The following ZRANB3 variants were observed in gnomAD, a reference collection of about 807,000 sequenced individuals.
ZRANB3 encodes the protein DNA annealing helicase and endonuclease ZRANB3.
In ZRANB3, 125 loss-of-function variants were observed where a neutral mutation model predicts 133.8. The ratio of observed to expected loss-of-function variants is 0.93; its 90% CI spans 0.81 to 1.08. The LOEUF (loss-of-function observed/expected upper bound fraction) is 1.08, where lower values mean the gene tolerates loss of function less well. Among genes scored for constraint, ZRANB3 ranks in the 50% least tolerant of loss-of-function variants. ZRANB3 has a pLI of 0.00. For synonymous variants in ZRANB3, 387 were observed against 432.7 expected, an observed-to-expected ratio of 0.89 and a Z score of 1.31; for missense variants, 1,229 against 1,275.5, an observed-to-expected ratio of 0.96 and a Z score of 0.56.
intron 2 of ZRANB3, among the ~76,000 whole-genome samples, chr2:135,493,626 C>A (rs1692518949): frequency 6.6e-6 from 1 of 152,100 alleles, no homozygotes; most frequent in South Asian, 2.1e-4. Flanking sequence ...CTCGAATAGT[C>A]ATTCATTTTG....
intron 1 of ZRANB3, among the ~76,000 whole-genome samples, chr2:135,520,360 A>T (rs1436887404): frequency 1.3e-5 from 2 of 151,460 alleles, no homozygotes; most frequent in South Asian, 4.2e-4. Flanking sequence ...ATGCCACTGC[A>T]CTCCAGCCTG....
chr2:135,252,102 C>T (rs966724249), intron 12 of ZRANB3, among the ~76,000 whole-genome samples: 1 of 152,100 alleles, frequency 6.6e-6, no homozygotes, highest in African/African-American at 2.4e-5. Flanking sequence ...ATGTCTTTAT[C>T]AGCAGCATAA....
chr2:135,511,637 GGTT>G, intron 1 of ZRANB3: 1 of 779,872 alleles, frequency 1.3e-6, no homozygotes, highest in Non-Finnish European at 2.4e-6. Flanking sequence ...CTCAAAGCCT[GGTT>G]GTTGTTAGAC....
chr2:135,328,707 C>T (rs545755550), intron 6 of ZRANB3, among the ~76,000 whole-genome samples: 160 of 152,320 alleles, frequency 1.1e-3, no homozygotes, highest in African/African-American at 3.7e-3. Flanking sequence ...TATTTCTCCA[C>T]GTCTTCTCCA....
intron 2 of ZRANB3, among the ~76,000 whole-genome samples, chr2:135,405,914 G>C (rs926476112): frequency 2.6e-5 from 4 of 152,300 alleles, no homozygotes; most frequent in African/African-American, 9.6e-5. Flanking sequence ...AAAAGAAGTA[G>C]AGAAGCAAGA....
chr2:135,449,586 C>T (rs1690176382), intron 2 of ZRANB3, among the ~76,000 whole-genome samples: 1 of 152,122 alleles, frequency 6.6e-6, no homozygotes, highest in East Asian at 1.9e-4. Flanking sequence ...CTCCACTACA[C>T]TCCAGCTTGG....
intron 3 of ZRANB3, among the ~76,000 whole-genome samples, chr2:135,389,253 A>C (rs1042110876): frequency 6.6e-6 from 1 of 152,224 alleles, no homozygotes; most frequent in Non-Finnish European, 1.5e-5. Context: ...TATAACATCT[A>C]GTCTAAATAA....
intron 12 of ZRANB3, among the ~76,000 whole-genome samples, chr2:135,236,580 CCAAAACAGAGA>C (rs1433629782): frequency 6.6e-6 from 1 of 152,124 alleles, no homozygotes; most frequent in Non-Finnish European, 1.5e-5. Flanking sequence ...GGTACTGGTA[CCAAAACAGAGA>C]TATAGACCAA....
Position 135,275,522 on chromosome 2 carries a change from T to C in ZRANB3, c.1086+114A>G, listed in dbSNP as rs1332501989. ...TTCAAGAAAAATGTGTGATAATTTA[T>C]ATACCATCATCTAAAGAAGACAAAA... On this transcript the variant is annotated intron_variant, in intron 9 of 20. Transcript: ENST00000264159. 1.2e-5 allele frequency: 9 copies of C among 757,048 alleles called. No individual in the cohort carries two copies. The South Asian group carries it at 3.7e-4, about 31-fold the overall frequency. The allele number at this position is 757,048 out of a possible 1,614,324, so 46.9% of individuals were successfully genotyped here.
chr2:135,328,689 A>G (rs1683972127), intron 6 of ZRANB3, among the ~76,000 whole-genome samples: 1 of 152,176 alleles, frequency 6.6e-6, no homozygotes. Flanking sequence ...ACACTGTAAA[A>G]ACATTCCTAT....
At chr2:135,277,693 G>A (rs1381799343) in intron 8 of ZRANB3, among the ~76,000 whole-genome samples, 1 of 152,158 alleles carries the variant, frequency 6.6e-6, no homozygotes, top group Non-Finnish European at 1.5e-5. Flanking sequence ...GGGAAGCCAA[G>A]GCGGGCAGAT....
At chr2:135,338,588 C>T (rs1367078176) in intron 6 of ZRANB3, among the ~76,000 whole-genome samples, 1 of 152,324 alleles carries the variant, frequency 6.6e-6, no homozygotes, top group East Asian at 1.9e-4. Context: ...TACACATATA[C>T]ATTTTAAAAA....
chr2:135,407,434 G>C (rs1688092100), intron 2 of ZRANB3, among the ~76,000 whole-genome samples: 1 of 151,256 alleles, frequency 6.6e-6, no homozygotes, highest in Non-Finnish European at 1.5e-5. Context: ...TCCCCATCAA[G>C]CTACCAATGA....
rs112209442 is a variant in ZRANB3 at position 135,272,414 on chromosome 2, C to CTTTTTTTTTTTTTTTTTT, written c.1087-545_1087-528dup. On this transcript the variant is annotated intron_variant, in intron 9 of 20. Coordinates refer to ENST00000264159, the MANE Select transcript of ZRANB3 (RefSeq NM_032143.4). ...CCAAATATTAACTGGGAAAATAGAG[C>CTTTTTTTTTTTTTTTTTT]TTTTTTTTTTTTTTTTTTGTGACGG... Among the ~76,000 whole-genome samples the CTTTTTTTTTTTTTTTTTT allele has an allele frequency of 4.5e-4, 49 of 107,748 alleles. 6 individuals are homozygous for CTTTTTTTTTTTTTTTTTT. The highest frequency in any genetic ancestry group is 1.6e-3 in the African/African-American group (35 of 22,134). The allele number at this position is 107,748 out of a possible 152,430, so 70.7% of individuals were successfully genotyped here.
intron 3 of ZRANB3, among the ~76,000 whole-genome samples, chr2:135,385,356 C>G (rs945730809): frequency 3.7e-4 from 57 of 152,122 alleles, no homozygotes; most frequent in African/African-American, 1.3e-3. Context: ...ACAAACAAAT[C>G]GAAGAACATT....
intron 2 of ZRANB3, among the ~76,000 whole-genome samples, chr2:135,480,846 T>G (rs1163998088): frequency 7.5e-6 from 1 of 133,930 alleles, no homozygotes; most frequent in African/African-American, 3.1e-5. Context: ...TTCCCACCTA[T>G]GAGTGAGAAT....
chr2:135,340,366 A>G (rs1463160135), intron 6 of ZRANB3, among the ~76,000 whole-genome samples: 1 of 152,028 alleles, frequency 6.6e-6, no homozygotes, highest in Non-Finnish European at 1.5e-5. Flanking sequence ...TTGGCCTCTC[A>G]AAGTGCTAGG....
At chr2:135,269,693 TG>T (rs1252706175) in intron 10 of ZRANB3, among the ~76,000 whole-genome samples, 1 of 152,214 alleles carries the variant, frequency 6.6e-6, no homozygotes, top group African/African-American at 2.4e-5. Flanking sequence ...TTCATGAATT[TG>T]AAATAGTGTG....
rs1443565744 is a variant in ZRANB3, at chr2:135,272,427, T to G, written c.1087-540A>C. 9.2e-3 allele frequency among the ~76,000 whole-genome samples: 1,340 copies of G among 145,424 alleles called. 48 individuals carry two copies. The highest frequency in any genetic ancestry group is 0.034 in the African/African-American group (1,273 of 37,270). Reference sequence around the variant, plus strand: ...GGGAAAATAGAGCTTTTTTTTTTTTTTTTTTGTGACGGAGTCTTGCTCTGT... The same window carrying G: ...GGGAAAATAGAGCTTTTTTTTTTTTGTTTTTGTGACGGAGTCTTGCTCTGT... On this transcript the variant is annotated intron_variant, in intron 9 of 20. Coordinates refer to ENST00000264159, the MANE Select transcript of ZRANB3 (RefSeq NM_032143.4).
Sources: allele counts gnomAD v4.1 joint callset (sites outside exome capture counted in the v4.1 genomes callset), GRCh38; gene constraint gnomAD v4.1.1; transcripts MANE v1.5; gene names NCBI Gene and HGNC (gene_info 2026-07-23, HGNC 2026-07-21).